Variants in PCDHGB5 observed in about 807,000 individuals in gnomAD.
PCDHGB5 encodes protocadherin gamma subfamily B, 5.
A neutral mutation model predicts 62.9 loss-of-function variants in PCDHGB5; 48 were observed. That is an observed-to-expected ratio of 0.76 (90% CI 0.61 to 0.97). PCDHGB5 has a LOEUF of 0.97. Ranked by LOEUF, PCDHGB5 falls within the 50% of genes least tolerant of loss-of-function variation. The pLI is 0.00. For missense variants in PCDHGB5, 1,118 were observed against 1,198.6 expected (o/e 0.93, Z 0.99); for synonymous variants, 474 against 511.2 (o/e 0.93, Z 0.98).
Position 141,485,751 on chromosome 5 carries a change from A to G in PCDHGB5, c.2398-9056A>G. ...CGCAGCGACGGCAGCCTGGTCCCAG[A>G]GCTGCTCCTGGAGAAGCCTTTGGAT... is the stretch of plus-strand genomic sequence containing the variant. On this transcript the variant is annotated intron_variant, in intron 1 of 3. Coordinates refer to ENST00000617380, the MANE Select transcript of PCDHGB5 (RefSeq NM_018925.3). This position sits in a 1 kb window ranked among gnomAD's most constrained non-coding sequence, Gnocchi z 5.7. 6.2e-7 allele frequency: 1 copy of G among 1,614,166 alleles called. No individual in the cohort carries two copies. Among genetic ancestry groups the G allele is most frequent in the Non-Finnish European group, 8.5e-7 (1 of 1,179,998 alleles).
chr5:141,408,437 G>A (rs368564960), intron 1 of PCDHGB5: 1 of 1,614,068 alleles, frequency 6.2e-7, no homozygotes, highest in Admixed American at 1.7e-5. Flanking sequence ...CAGCGTAGAC[G>A]CGGAGAGCGG....
intron 1 of PCDHGB5, chr5:141,409,850 G>T (rs1301108879): frequency 6.2e-7 from 1 of 1,612,142 alleles, no homozygotes; most frequent in South Asian, 1.1e-5. Context: ...GAGCCTGCGC[G>T]TGTTGGTGGG....
intron 1 of PCDHGB5, chr5:141,409,419 CAGAT>C (rs1303289792): frequency 3.1e-6 from 5 of 1,614,028 alleles, no homozygotes; most frequent in Non-Finnish European, 3.4e-6. Context: ...AAACTGGTGA[CAGAT>C]GGAGCCCTGG....
chr5:141,507,796 G>GGGAA (rs2099863457), intron 3 of PCDHGB5, among the ~76,000 whole-genome samples: 1 of 152,220 alleles, frequency 6.6e-6, no homozygotes, highest in Admixed American at 6.5e-5. Flanking sequence ...GTCTAAGCCT[G>GGGAA]CGCCCTGGGG....
Position 141,398,874 on chromosome 5 carries a change from C to G in PCDHGB5, c.747C>G (p.Val249=), listed in dbSNP as rs1384943457. 6.2e-7 allele frequency: 1 copy of G among 1,613,978 alleles called. No individual in the cohort carries two copies. Among genetic ancestry groups the G allele is most frequent in the South Asian group, 1.1e-5 (1 of 91,074 alleles). The change falls in exon 1 of 4, where the codon GTC becomes GTG. Residue 249 remains valine, a synonymous_variant. Coordinates refer to ENST00000617380, the MANE Select transcript of PCDHGB5 (RefSeq NM_018925.3). ...PPVFNRDVYR[V]SLRENVPPGT... is the part of the protein sequence containing the mutation. ...TATTCAACCGAGACGTGTACAGAGTCAGCCTTCGGGAAAACGTGCCACCAG... is the reference window on the plus strand; with the variant it reads ...TATTCAACCGAGACGTGTACAGAGTGAGCCTTCGGGAAAACGTGCCACCAG...
chr5:141,447,226 G>A (rs746777844), intron 1 of PCDHGB5, among the ~76,000 whole-genome samples: 1 of 151,910 alleles, frequency 6.6e-6, no homozygotes, highest in Non-Finnish European at 1.5e-5. Context: ...TGCAACCTCC[G>A]CCTCCCGGGT....
chr5:141,473,763 G>A (rs1333191998), intron 1 of PCDHGB5, among the ~76,000 whole-genome samples: 1 of 152,204 alleles, frequency 6.6e-6, no homozygotes, highest in African/African-American at 2.4e-5. Context: ...ACTATGCAAA[G>A]GATTTGGTAT....
chr5:141,412,170 A>G (rs1015665615), intron 1 of PCDHGB5: 2 of 152,230 alleles, frequency 1.3e-5, no homozygotes, highest in Non-Finnish European at 1.5e-5. Context: ...GATTATTTAT[A>G]CTGGTATTAA....
chr5:141,479,860 C>T (rs1374284598), intron 1 of PCDHGB5, among the ~76,000 whole-genome samples: 2 of 152,108 alleles, frequency 1.3e-5, no homozygotes, highest in Admixed American at 6.5e-5. Context: ...AAGGCCTTTG[C>T]CCTGGAGAGA....
chr5:141,411,568 AG>A (rs2095500132), intron 1 of PCDHGB5: 1 of 152,232 alleles, frequency 6.6e-6, no homozygotes, highest in South Asian at 2.1e-4. Context: ...TGGGCGACAG[AG>A]TGCGACCCTG....
At chr5:141,504,182 C>A (rs2099836345) in intron 2 of PCDHGB5, among the ~76,000 whole-genome samples, 1 of 152,234 alleles carries the variant, frequency 6.6e-6, no homozygotes, top group Non-Finnish European at 1.5e-5. Context: ...TCAAAAAAAT[C>A]ATGAAAATTG....
In PCDHGB5 at chr5:141,494,027, G is replaced by A. The variant is rs77020157; in HGVS notation, c.2398-780G>A. 1.5e-4 allele frequency among the ~76,000 whole-genome samples: 23 copies of A among 152,298 alleles called. No homozygotes were observed. In the East Asian group the frequency reaches 3.3e-3, roughly 22 times the overall value. ...ACACATCAGCCCCTTGGGAGCCCTGGAGACTTAGTTGGCCCTGCTTGGAGG... is the reference window on the plus strand; with the variant it reads ...ACACATCAGCCCCTTGGGAGCCCTGAAGACTTAGTTGGCCCTGCTTGGAGG... On this transcript the variant is annotated intron_variant, in intron 1 of 3. Coordinates refer to ENST00000617380, the MANE Select transcript of PCDHGB5 (RefSeq NM_018925.3).
intron 1 of PCDHGB5, chr5:141,415,573 G>T (rs375863243): frequency 1.9e-6 from 3 of 1,614,022 alleles, no homozygotes; most frequent in South Asian, 2.2e-5. Context: ...TTTGTTAGAT[G>T]ATTCGAAGTT....
chr5:141,506,742 A>G (rs1475692668), intron 3 of PCDHGB5, among the ~76,000 whole-genome samples: 5 of 152,172 alleles, frequency 3.3e-5, no homozygotes, highest in Non-Finnish European at 7.3e-5. Context: ...AATGCCTATT[A>G]ATAAAGACTA....
intron 3 of PCDHGB5, among the ~76,000 whole-genome samples, chr5:141,508,742 C>A (rs955179947): frequency 2.0e-5 from 3 of 151,998 alleles, no homozygotes; most frequent in Admixed American, 6.6e-5. Context: ...CCCCCCACCC[C>A]GCTCTTTCTC....
Position 141,476,876 on chromosome 5 carries a change from C to A in PCDHGB5, c.2398-17931C>A, listed in dbSNP as rs1201654822. 1.2e-6 allele frequency: 2 copies of A among 1,613,994 alleles called. No individual in the cohort carries two copies. Among genetic ancestry groups the A allele is most frequent in the Non-Finnish European group, 1.7e-6 (2 of 1,180,048 alleles). ...CCAGTCCTTGTACCGGGCGCGCGTC[C>A]TGGAGGATGCACCCTCCGGCACGCG... On this transcript the variant is annotated intron_variant, in intron 1 of 3. Transcript: ENST00000617380. The surrounding 1 kb of genome is among the most constrained non-coding windows in gnomAD (Gnocchi z 7.6).
intron 1 of PCDHGB5, chr5:141,404,805 C>T (rs770534822): frequency 1.7e-5 from 28 of 1,613,842 alleles, no homozygotes; most frequent in Admixed American, 6.7e-5. Context: ...GGGCTCTTCT[C>T]GGTGGGGCTG....
rs765586654 is a variant in PCDHGB5 at position 141,421,994 on chromosome 5, T to C, written c.2397+21470T>C. 8 of 1,608,922 alleles carry C rather than the reference T, an allele frequency of 5.0e-6. No homozygotes were observed. In the African/African-American group the frequency reaches 5.4e-5, roughly 11 times the overall value. On this transcript the variant is annotated intron_variant, in intron 1 of 3. Coordinates refer to ENST00000617380, the MANE Select transcript of PCDHGB5 (RefSeq NM_018925.3). ...TATCGCGTGAGTGTTCCAGAAAACA[T>C]CAGCTCCGGAACTCGGGTGCTGATG...
At position 141,472,368 on chromosome 5, in the gene PCDHGB5, C is replaced by T. The variant is rs555805048; in HGVS notation, c.2398-22439C>T. ...CATCCTGGCTAACACGGTGAAACCC[C>T]GTCTCCACTAAAAATAGAAAAAATT... is the stretch of plus-strand genomic sequence containing the variant. On this transcript the variant is annotated intron_variant, in intron 1 of 3. Transcript: ENST00000617380. Among the ~76,000 whole-genome samples, 214 of 152,012 alleles carry T rather than the reference C, an allele frequency of 1.4e-3. 1 individual carries two copies. The highest frequency in any genetic ancestry group is 4.8e-3 in the African/African-American group (199 of 41,452).
Sources: allele counts gnomAD v4.1 joint callset (sites outside exome capture counted in the v4.1 genomes callset), GRCh38; gene constraint gnomAD v4.1.1; non-coding constraint Gnocchi (gnomAD v3.1); transcripts MANE v1.5; gene names NCBI Gene and HGNC (gene_info 2026-07-23, HGNC 2026-07-21).